The following ARID1B variants were observed in gnomAD, a reference collection of about 807,000 sequenced individuals.
The protein encoded by ARID1B is AT-rich interaction domain 1B, also known as AT-rich interactive domain-containing protein 1B.
A neutral mutation model predicts 212.3 loss-of-function variants in ARID1B; 30 were observed. The observed-to-expected ratio is 0.14, with a 90% confidence interval of 0.11 to 0.19. The LOEUF (loss-of-function observed/expected upper bound fraction) is 0.19. Ranked by LOEUF, ARID1B falls within the 10% of genes least tolerant of loss-of-function variation. ARID1B has a pLI of 1.00. For missense variants in ARID1B, 2,891 were observed against 3,204.0 expected (o/e 0.90, Z 2.36); for synonymous variants, 1,402 against 1,301.7 (o/e 1.08, Z -1.66).
chr6:156,798,767 T>A (rs1780570506), intron 1 of ARID1B, among the ~76,000 whole-genome samples: 1 of 152,216 alleles, frequency 6.6e-6, no homozygotes, highest in Non-Finnish European at 1.5e-5. Flanking sequence ...GATTATTGCA[T>A]TTGGGGAGTT....
chr6:157,130,361 A>AT (rs1215675157), intron 6 of ARID1B, among the ~76,000 whole-genome samples: 1 of 152,152 alleles, frequency 6.6e-6, no homozygotes, highest in Non-Finnish European at 1.5e-5. Flanking sequence ...ATTGAAACAC[A>AT]TTTTTTTATT....
chr6:157,147,233 GACCCTGCCGTCCGT>G (rs1789810742), intron 7 of ARID1B, among the ~76,000 whole-genome samples: 1 of 484 alleles, frequency 2.1e-3, no homozygotes, highest in African/African-American at 8.8e-3. Context: ...CCTCACCTCC[GACCCTGCCGTCCGT>G]CCCCCACCCC....
chr6:157,120,312 T>C (rs1382520848), intron 6 of ARID1B, among the ~76,000 whole-genome samples: 1 of 152,142 alleles, frequency 6.6e-6, no homozygotes, highest in African/African-American at 2.4e-5. Flanking sequence ...GACCAGTCAG[T>C]AGCGGAAAGG....
At chr6:156,978,827 T>A (rs1013508471) in intron 4 of ARID1B, among the ~76,000 whole-genome samples, 4 of 152,220 alleles carry the variant, frequency 2.6e-5, no homozygotes, top group African/African-American at 4.8e-5. Flanking sequence ...ATATATTACT[T>A]TTTCTAGCCA....
intron 2 of ARID1B, among the ~76,000 whole-genome samples, chr6:156,866,721 A>G (rs981932006): frequency 3.3e-5 from 5 of 152,160 alleles, no homozygotes; most frequent in African/African-American, 4.8e-5. Flanking sequence ...CTTTATAAAT[A>G]CCTTTGTAAT....
rs150336525 is a variant in ARID1B at position 157,003,756 on chromosome 6, A to G, written c.2247+68180A>G. ...CAGGCTGGGGTGCAGTAGCACCATCATAGCTTGCTGTAGCCTCGACCTCCT... is the reference window on the plus strand; with the variant it reads ...CAGGCTGGGGTGCAGTAGCACCATCGTAGCTTGCTGTAGCCTCGACCTCCT... On this transcript the variant is annotated intron_variant, in intron 4 of 19. Transcript: ENST00000636930. Among the ~76,000 whole-genome samples, 226 of 152,264 alleles carry G rather than the reference A, an allele frequency of 1.5e-3. 2 individuals carry two copies. The highest frequency in any genetic ancestry group is 5.2e-3 in the African/African-American group (216 of 41,542).
chr6:157,149,038 TG>T lies in ARID1B; in HGVS notation c.3089+91del, dbSNP rs770422402. 7.1e-5 allele frequency: 96 copies of T among 1,359,186 alleles called. 1 individual carries two copies. The highest frequency in any genetic ancestry group is 9.4e-5 in the Non-Finnish European group (93 of 993,040). 84.2% of individuals were successfully genotyped at this position (1,359,186 alleles called of 1,614,324 possible). ...CTGCGCACATAGCTGCATTGTTCCC[TG>T]GGGTCACACAGAGCAGTAGAATGTC... On this transcript the variant is annotated intron_variant, in intron 8 of 19. Transcript: ENST00000636930.
At chr6:156,996,449 A>G (rs770250041) in intron 4 of ARID1B, among the ~76,000 whole-genome samples, 6 of 152,222 alleles carry the variant, frequency 3.9e-5, no homozygotes, top group Non-Finnish European at 8.8e-5. Context: ...ATAACATGGA[A>G]AGAAATTGTA....
intron 7 of ARID1B, chr6:157,141,098 C>A (rs1488585314): frequency 6.4e-6 from 1 of 155,636 alleles, no homozygotes; most frequent in African/African-American, 2.4e-5. Flanking sequence ...TCCCCTCCTG[C>A]CTTGAAGCTT....
intron 7 of ARID1B, among the ~76,000 whole-genome samples, chr6:157,147,664 C>T (rs1417143595): frequency 4.4e-5 from 1 of 22,912 alleles, no homozygotes; most frequent in Non-Finnish European, 9.0e-5. Context: ...TGCCCGCCAG[C>T]CCTCACCCCC....
At chr6:157,154,592 T>TTG (rs1790444789) in intron 8 of ARID1B, among the ~76,000 whole-genome samples, 1 of 145,220 alleles carries the variant, frequency 6.9e-6, no homozygotes, top group African/African-American at 2.6e-5. Flanking sequence ...TTTTTTTTTT[T>TTG]TTTTTTGAGT....
intron 5 of ARID1B, among the ~76,000 whole-genome samples, chr6:157,092,982 C>T (rs1410029774): frequency 1.2e-4 from 18 of 152,154 alleles, no homozygotes; most frequent in Admixed American, 1.2e-3. Flanking sequence ...AGTAGGCTGT[C>T]CCTGCTCTGA....
chr6:156,785,875 C>T (rs990668147), intron 1 of ARID1B, among the ~76,000 whole-genome samples: 3 of 152,060 alleles, frequency 2.0e-5, no homozygotes, highest in Admixed American at 2.0e-4. Context: ...ACATTACTTC[C>T]TCTCAATTCT....
At chr6:156,964,367 A>G (rs1794600511) in intron 4 of ARID1B, among the ~76,000 whole-genome samples, 2 of 152,262 alleles carry the variant, frequency 1.3e-5, no homozygotes, top group South Asian at 2.1e-4. Flanking sequence ...TTATCAGACT[A>G]ATAGCCAAAG....
intron 2 of ARID1B, among the ~76,000 whole-genome samples, chr6:156,840,446 G>A (rs287905): frequency 0.63 from 96,181 of 152,110 alleles, 30,838 homozygotes; most frequent in African/African-American, 0.7. Flanking sequence ...TGGACCCATC[G>A]TCTAGAGCCG....
intron 1 of ARID1B, among the ~76,000 whole-genome samples, chr6:156,815,607 T>A (rs1781910389): frequency 6.6e-6 from 1 of 152,172 alleles, no homozygotes; most frequent in Admixed American, 6.5e-5. Flanking sequence ...GCAATTAATT[T>A]TGTAAATGAA....
chr6:157,139,436 C>G (rs950257076), intron 7 of ARID1B, among the ~76,000 whole-genome samples: 3 of 152,162 alleles, frequency 2.0e-5, no homozygotes, highest in Admixed American at 6.5e-5. Flanking sequence ...CAGAGCTGCA[C>G]CAGGCACCCT....
intron 4 of ARID1B, among the ~76,000 whole-genome samples, chr6:157,000,747 G>A (rs1365333571): frequency 3.1e-5 from 4 of 129,808 alleles, no homozygotes; most frequent in Non-Finnish European, 6.3e-5. Flanking sequence ...TGCCCAGGCT[G>A]CAGGGGTGCG....
At chr6:157,073,530 GATGT>G in intron 4 of ARID1B, among the ~76,000 whole-genome samples, 1 of 152,334 alleles carries the variant, frequency 6.6e-6, no homozygotes, top group South Asian at 2.1e-4. Flanking sequence ...TTAATATGTG[GATGT>G]ATGTATTTAT....
Sources: allele counts gnomAD v4.1 joint callset (sites outside exome capture counted in the v4.1 genomes callset), GRCh38; gene constraint gnomAD v4.1.1; transcripts MANE v1.5; gene names NCBI Gene and HGNC (gene_info 2026-07-23, HGNC 2026-07-21).